SLC25A48: variants seen among roughly 807,000 people sequenced by gnomAD.
SLC25A48 encodes the protein solute carrier family 25 member 48, also known as CTC-321K16.1.
SLC25A48 carries 29 observed loss-of-function variants against 32.2 expected under a neutral mutation model. That is an observed-to-expected ratio of 0.90 (90% CI 0.67 to 1.23). The LOEUF is 1.23. SLC25A48 is among the 50% of genes most tolerant of loss of function. The pLI is 0.00. For synonymous variants in SLC25A48, 164 were observed against 172.3 expected, an observed-to-expected ratio of 0.95 and a Z score of 0.38; for missense variants, 399 against 422.7, an observed-to-expected ratio of 0.94 and a Z score of 0.49.
intron 2 of SLC25A48, among the ~76,000 whole-genome samples, chr5:135,632,740 T>C (rs1392978067): frequency 6.6e-6 from 1 of 152,204 alleles, no homozygotes; most frequent in Admixed American, 6.5e-5. Flanking sequence ...ATCCAATTCA[T>C]TTTCTATTTG....
At chr5:135,610,791 A>G (rs1355992922) in intron 1 of SLC25A48, among the ~76,000 whole-genome samples, 4 of 152,252 alleles carry the variant, frequency 2.6e-5, no homozygotes, top group Non-Finnish European at 5.9e-5. Flanking sequence ...AGCAGGTAAA[A>G]TCATCCAAAG....
chr5:135,741,102 T>G (rs1755492738), intron 3 of SLC25A48, among the ~76,000 whole-genome samples: 1 of 152,200 alleles, frequency 6.6e-6, no homozygotes, highest in African/African-American at 2.4e-5. Flanking sequence ...CACTCAGTCT[T>G]CAGAGTCCCA....
intron 7 of SLC25A48, among the ~76,000 whole-genome samples, chr5:135,884,905 A>C (rs764725658): frequency 2.0e-5 from 3 of 151,996 alleles, no homozygotes; most frequent in Non-Finnish European, 4.4e-5. Context: ...ATTAATCATC[A>C]TGGCACCTCT....
chr5:135,724,546 AC>A (rs1274926212), intron 3 of SLC25A48, among the ~76,000 whole-genome samples: 1 of 152,008 alleles, frequency 6.6e-6, no homozygotes, highest in Non-Finnish European at 1.5e-5. Flanking sequence ...GCCTTCCTCC[AC>A]CCCACAGGAA....
At chr5:135,858,330 C>T (rs1249527141) in intron 4 of SLC25A48, among the ~76,000 whole-genome samples, 1 of 152,156 alleles carries the variant, frequency 6.6e-6, no homozygotes, top group Non-Finnish European at 1.5e-5. Context: ...GCACAAAGAG[C>T]AAAGCCAAAG....
At chr5:135,790,023 G>T (rs1487053686) in intron 3 of SLC25A48, among the ~76,000 whole-genome samples, 1 of 151,878 alleles carries the variant, frequency 6.6e-6, no homozygotes, top group Non-Finnish European at 1.5e-5. Context: ...GTGAAATTAA[G>T]TGTAACATCT....
At chr5:135,771,146 A>T (rs577734871) in intron 3 of SLC25A48, among the ~76,000 whole-genome samples, 1 of 151,394 alleles carries the variant, frequency 6.6e-6, no homozygotes, top group Non-Finnish European at 1.5e-5. Context: ...AGTGGGGAAG[A>T]AAATGATATT....
chr5:135,871,758 C>G, intron 5 of SLC25A48, 40 bp downstream of exon 5: 7 of 1,604,614 alleles, frequency 4.4e-6, no homozygotes, highest in Non-Finnish European at 6.0e-6. Context: ...CCTGTGCAGG[C>G]CACAGCAGTG....
intron 3 of SLC25A48, among the ~76,000 whole-genome samples, chr5:135,647,698 T>C (rs1249951790): frequency 6.6e-6 from 1 of 151,658 alleles, no homozygotes; most frequent in East Asian, 1.9e-4. Context: ...AGGGAAGGGG[T>C]CACTTTCTGT....
chr5:135,628,765 C>T (rs1752494762), intron 1 of SLC25A48, among the ~76,000 whole-genome samples: 1 of 152,168 alleles, frequency 6.6e-6, no homozygotes, highest in African/African-American at 2.4e-5. Context: ...AGAGGAGCCT[C>T]TCTCCCTCTT....
At chr5:135,616,065 G>A (rs1752179229) in intron 1 of SLC25A48, among the ~76,000 whole-genome samples, 1 of 152,238 alleles carries the variant, frequency 6.6e-6, no homozygotes, top group South Asian at 2.1e-4. Context: ...GGGAGCCTCT[G>A]CCTAGATTTC....
chr5:135,830,397 G>T (rs917058038), upstream of SLC25A48, among the ~76,000 whole-genome samples: 1 of 152,208 alleles, frequency 6.6e-6, no homozygotes, highest in African/African-American at 2.4e-5. Context: ...AATAGAGGAA[G>T]AATTAAGGCC....
At chr5:135,796,257 G>C (rs62364709) in intron 3 of SLC25A48, among the ~76,000 whole-genome samples, 99,140 of 150,982 alleles carry the variant, frequency 0.66, 34,487 homozygotes, top group Non-Finnish European at 0.78. Context: ...AGTACATCAC[G>C]CCGCGATGTG....
chr5:135,788,986 G>A (rs1303214714), intron 3 of SLC25A48, among the ~76,000 whole-genome samples: 2 of 151,334 alleles, frequency 1.3e-5, no homozygotes, highest in Non-Finnish European at 3.0e-5. Flanking sequence ...CCTGTGATAT[G>A]GTCTGTAATA....
intron 3 of SLC25A48, among the ~76,000 whole-genome samples, chr5:135,772,108 A>G (rs148100116): frequency 3.5e-4 from 53 of 151,522 alleles, no homozygotes; most frequent in African/African-American, 1.2e-3. Context: ...CATAATATCC[A>G]GAGGGAGAAA....
chr5:135,686,697 A>G (rs531756313), intron 3 of SLC25A48, among the ~76,000 whole-genome samples: 3 of 152,310 alleles, frequency 2.0e-5, no homozygotes, highest in East Asian at 3.9e-4. Context: ...CGACAGATGG[A>G]TGGTTGGATG....
intron 1 of SLC25A48, among the ~76,000 whole-genome samples, chr5:135,836,432 T>C (rs1026129054): frequency 6.6e-6 from 1 of 152,082 alleles, no homozygotes; most frequent in Non-Finnish European, 1.5e-5. Flanking sequence ...GTGCCAGGTA[T>C]AGTTTAAGTG....
chr5:135,873,987 C>G lies in SLC25A48; in HGVS notation c.680-34C>G, dbSNP rs185552386. 9.6e-5 allele frequency: 146 copies of G among 1,515,880 alleles called. 1 individual carries two copies. The African/African-American group carries it at 1.9e-3, about 20-fold the overall frequency. 93.9% of individuals were successfully genotyped at this position (1,515,880 alleles called of 1,614,324 possible). On this transcript the variant is annotated intron_variant, in intron 5 of 7. Coordinates refer to ENST00000681962, the MANE Select transcript of SLC25A48 (RefSeq NM_001349336.2). Reference sequence around the variant, plus strand: ...CCAGGCCCCTCCAGATCCTAAGGAGCTAGCCCCTGACACCTGTTTCTTTCT... The same window carrying G: ...CCAGGCCCCTCCAGATCCTAAGGAGGTAGCCCCTGACACCTGTTTCTTTCT...
chr5:135,599,652 C>T lies in SLC25A48; in HGVS notation c.-849+20055C>T, dbSNP rs184338504. ...GGCCACTCCAGCTGCATGTTTCTTCCGCATGCACTCCTGACCACAGACCAG... is the reference window on the plus strand; with the variant it reads ...GGCCACTCCAGCTGCATGTTTCTTCTGCATGCACTCCTGACCACAGACCAG... On this transcript the variant is annotated intron_variant, in intron 1 of 10. Coordinates refer to the SLC25A48 transcript ENST00000646290. Among the ~76,000 whole-genome samples the T allele has an allele frequency of 3.0e-4, 45 of 152,348 alleles. No homozygotes were observed. In the East Asian group the frequency reaches 6.9e-3, roughly 23 times the overall value.
Sources: gnomAD v4.1 joint callset for allele counts (sites outside exome capture counted in the v4.1 genomes callset) on GRCh38, gnomAD v4.1.1 for gene constraint, MANE v1.5 for transcripts, NCBI Gene and HGNC (gene_info 2026-07-23, HGNC 2026-07-21) for gene names.